The following TPST1 variants were observed in gnomAD, a reference collection of about 807,000 sequenced individuals.
TPST1 encodes the protein tyrosylprotein sulfotransferase 1, also known as protein-tyrosine sulfotransferase 1.
In TPST1, 20 loss-of-function variants were observed where a neutral mutation model predicts 34.8. The observed-to-expected ratio is 0.57, with a 90% CI of 0.40 to 0.84. The LOEUF (loss-of-function observed/expected upper bound fraction) is 0.84, where lower values mean the gene tolerates loss of function less well. TPST1 is among the 40% of genes least tolerant of loss of function. The pLI is 0.00. For missense variants in TPST1, 353 were observed against 455.5 expected, an observed-to-expected ratio of 0.78 and a Z score of 2.05; for synonymous variants, 152 against 159.4, an observed-to-expected ratio of 0.95 and a Z score of 0.35.
intron 3 of TPST1, among the ~76,000 whole-genome samples, chr7:66,333,360 T>C (rs1240954879): frequency 6.6e-6 from 1 of 152,242 alleles, no homozygotes; most frequent in Non-Finnish European, 1.5e-5. Flanking sequence ...TATATAGAGC[T>C]CACATTTGTA....
chr7:66,237,399 A>G (rs1488222025), intron 1 of TPST1, among the ~76,000 whole-genome samples: 1 of 152,162 alleles, frequency 6.6e-6, no homozygotes, highest in East Asian at 1.9e-4. Context: ...GAGCACTGAA[A>G]GGGTTGTTTT....
At chr7:66,276,195 A>T (rs944350152) in intron 2 of TPST1, among the ~76,000 whole-genome samples, 93 of 151,622 alleles carry the variant, frequency 6.1e-4, no homozygotes, top group African/African-American at 2.2e-3. Flanking sequence ...AGATTAAAAA[A>T]ACTTTTTAAA....
At chr7:66,354,565 T>C (rs1275765984) in intron 4 of TPST1, among the ~76,000 whole-genome samples, 1 of 143,400 alleles carries the variant, frequency 7.0e-6, no homozygotes, top group African/African-American at 2.6e-5. Context: ...CAAAAGCCGG[T>C]TTGCATAACA....
At chr7:66,254,002 C>A (rs932817643) in intron 2 of TPST1, among the ~76,000 whole-genome samples, 869 of 112,912 alleles carry the variant, frequency 7.7e-3, no homozygotes, top group Non-Finnish European at 8.6e-3. Context: ...GACTCTGTTT[C>A]AAAAAAAAAA....
At chr7:66,229,166 A>G (rs573318870) in intron 1 of TPST1, among the ~76,000 whole-genome samples, 4 of 151,112 alleles carry the variant, frequency 2.6e-5, no homozygotes, top group African/African-American at 9.7e-5. Flanking sequence ...GCTGGAGTGC[A>G]GTGGCACGAT....
At chr7:66,254,747 A>G (rs553727170) in intron 2 of TPST1, among the ~76,000 whole-genome samples, 1 of 152,332 alleles carries the variant, frequency 6.6e-6, no homozygotes. Context: ...TTGCTGGTGT[A>G]TATAATTGTA....
At chr7:66,216,188 T>C (rs1290730501) in intron 1 of TPST1, among the ~76,000 whole-genome samples, 2 of 151,782 alleles carry the variant, frequency 1.3e-5, no homozygotes, top group Non-Finnish European at 2.9e-5. Context: ...TAGAAATTTG[T>C]CCATTTTATC....
rs557159334 is a variant in TPST1 at position 66,351,233 on chromosome 7, CATT to C, written c.1045-1269_1045-1267del. ...GGAATCTGGCTCCCCACCTCCTCAT[CATT>C]ATGTTGAGATTCATCTGTGTTGTTG... On this transcript the variant is annotated intron_variant, in intron 3 of 5. Transcript: ENST00000304842. 2.1e-3 allele frequency among the ~76,000 whole-genome samples: 325 copies of C among 152,308 alleles called. 2 individuals are homozygous for C. Among genetic ancestry groups the C allele is most frequent in the African/African-American group, 7.7e-3 (318 of 41,556 alleles).
chr7:66,340,571 A>G (rs565238267), intron 3 of TPST1, among the ~76,000 whole-genome samples: 1 of 152,332 alleles, frequency 6.6e-6, no homozygotes, highest in African/African-American at 2.4e-5. Context: ...CATAACAAAA[A>G]TCTGTAGCAT....
At chr7:66,281,365 C>T (rs1044818785) in intron 2 of TPST1, among the ~76,000 whole-genome samples, 3 of 152,152 alleles carry the variant, frequency 2.0e-5, no homozygotes, top group Non-Finnish European at 4.4e-5. Flanking sequence ...CAAGGAGTCC[C>T]TCTTCCTGAA....
chr7:66,250,890 G>A (rs1366039284), intron 2 of TPST1, among the ~76,000 whole-genome samples: 2 of 152,202 alleles, frequency 1.3e-5, no homozygotes, highest in African/African-American at 4.8e-5. Flanking sequence ...GTGACTAATG[G>A]TGGGTAGTGA....
intron 3 of TPST1, among the ~76,000 whole-genome samples, chr7:66,318,060 G>A (rs1223586903): frequency 6.6e-6 from 1 of 152,204 alleles, no homozygotes; most frequent in African/African-American, 2.4e-5. Flanking sequence ...TGAGAAGGCT[G>A]AGTCAGGAGA....
At position 66,246,179 on chromosome 7, in the gene TPST1, ATTTTTTTTTTT is replaced by A. The variant is rs35051150; in HGVS notation, c.845+4928_845+4938del. Among the ~76,000 whole-genome samples the A allele has an allele frequency of 1.7e-3, 153 of 92,400 alleles. 1 individual carries two copies. The South Asian group carries it at 0.024, about 14-fold the overall frequency. 60.6% of individuals were successfully genotyped at this position (92,400 alleles called of 152,430 possible). On this transcript the variant is annotated intron_variant, in intron 2 of 5. Coordinates refer to ENST00000304842, the MANE Select transcript of TPST1 (RefSeq NM_003596.4). ...AGGTGCATGCCATCATGCCTGGCTA[ATTTTTTTTTTT>A]TTTTTTTTTTTTTTTTTTGGTGGAG...
chr7:66,272,203 G>C (rs958115660), intron 2 of TPST1, among the ~76,000 whole-genome samples: 3 of 152,098 alleles, frequency 2.0e-5, no homozygotes, highest in Non-Finnish European at 4.4e-5. Flanking sequence ...GGTGAATATA[G>C]ATGCAAAAAT....
chr7:66,303,389 G>GTA (rs1791356368), intron 3 of TPST1, among the ~76,000 whole-genome samples: 2 of 147,988 alleles, frequency 1.4e-5, no homozygotes, highest in Non-Finnish European at 3.0e-5. Context: ...AAACAGCTGT[G>GTA]TGTGTATGTA....
chr7:66,357,034 CTG>C (rs1792595745), intron 5 of TPST1, among the ~76,000 whole-genome samples, 163 bp downstream of exon 5: 1 of 152,252 alleles, frequency 6.6e-6, no homozygotes, highest in Non-Finnish European at 1.5e-5. Flanking sequence ...CTTCACCTCT[CTG>C]TGTCTTCATT....
intron 3 of TPST1, among the ~76,000 whole-genome samples, chr7:66,313,182 A>G (rs1269139050): frequency 6.6e-6 from 1 of 152,106 alleles, no homozygotes. Context: ...TTGGGTGGCC[A>G]AGGTGGGCAG....
chr7:66,221,759 G>A (rs1219983190), intron 1 of TPST1: 2 of 152,088 alleles, frequency 1.3e-5, no homozygotes, highest in African/African-American at 2.4e-5. Flanking sequence ...TTTAAAATCT[G>A]GGCTTTTCTT....
intron 2 of TPST1, among the ~76,000 whole-genome samples, chr7:66,271,222 C>T (rs765393615): frequency 2.0e-5 from 3 of 152,120 alleles, no homozygotes; most frequent in African/African-American, 7.2e-5. Flanking sequence ...GCTGTGACCT[C>T]AGTTGTGTCT....
Sources: gnomAD v4.1 joint callset for allele counts (sites outside exome capture counted in the v4.1 genomes callset) on GRCh38, gnomAD v4.1.1 for gene constraint, MANE v1.5 for transcripts, NCBI Gene and HGNC (gene_info 2026-07-23, HGNC 2026-07-21) for gene names.